The following FHIT variants were observed in gnomAD, a reference collection of about 807,000 sequenced individuals.
FHIT encodes the protein bis(5'-adenosyl)-triphosphatase.
FHIT carries 19 observed loss-of-function variants against 17.9 expected under a neutral mutation model. The ratio of observed to expected loss-of-function variants is 1.06; its 90% CI spans 0.74 to 1.56. The LOEUF is 1.56. Ranked by LOEUF, FHIT falls within the 40% of genes most tolerant of loss-of-function variation. FHIT has a pLI of 0.00. For missense variants in FHIT, 248 were observed against 189.2 expected (o/e 1.31, Z -1.82); for synonymous variants, 81 against 69.7 (o/e 1.16, Z -0.81).
At chr3:60,068,026 A>G (rs1176432095) in intron 5 of FHIT, among the ~76,000 whole-genome samples, 1 of 152,136 alleles carries the variant, frequency 6.6e-6, no homozygotes. Context: ...ATATGAGGCC[A>G]GGAGTTTGAG....
intron 5 of FHIT, among the ~76,000 whole-genome samples, chr3:60,222,414 T>G (rs1262874374): frequency 1.3e-5 from 2 of 152,194 alleles, no homozygotes; most frequent in Non-Finnish European, 2.9e-5. Context: ...CAACTTTCAC[T>G]CAATGCTCTT....
chr3:60,376,149 C>A (rs1237130426), intron 5 of FHIT, among the ~76,000 whole-genome samples: 2 of 152,110 alleles, frequency 1.3e-5, no homozygotes, highest in Non-Finnish European at 2.9e-5. Flanking sequence ...TAATGTCCAT[C>A]TTTCCCACTA....
intron 3 of FHIT, among the ~76,000 whole-genome samples, chr3:60,840,437 G>T (rs1425832495): frequency 6.6e-6 from 1 of 152,176 alleles, no homozygotes; most frequent in African/African-American, 2.4e-5. Flanking sequence ...ACATGTGAAT[G>T]AATCAATTCT....
At chr3:60,910,706 C>A (rs545730542) in intron 3 of FHIT, among the ~76,000 whole-genome samples, 6 of 152,140 alleles carry the variant, frequency 3.9e-5, no homozygotes, top group African/African-American at 1.2e-4. Context: ...GCCACCATGC[C>A]CGGCCCAGGT....
At chr3:60,012,132 C>G (rs556114040) in intron 6 of FHIT, among the ~76,000 whole-genome samples, 1 of 152,178 alleles carries the variant, frequency 6.6e-6, no homozygotes, top group South Asian at 2.1e-4. Flanking sequence ...GAACTCCCGC[C>G]GTAAGGATTA....
chr3:60,365,506 C>T (rs771711695), intron 5 of FHIT, among the ~76,000 whole-genome samples: 1 of 152,096 alleles, frequency 6.6e-6, no homozygotes, highest in Non-Finnish European at 1.5e-5. Context: ...ACCTAAATAG[C>T]CTAATGACTC....
At chr3:59,982,372 G>GA (rs542579155) in intron 7 of FHIT, among the ~76,000 whole-genome samples, 2 of 150,020 alleles carry the variant, frequency 1.3e-5, no homozygotes, top group East Asian at 1.9e-4. Flanking sequence ...AATCACAGAA[G>GA]AAAAAAAAAA....
chr3:60,157,511 G>C (rs1311259212), intron 5 of FHIT, among the ~76,000 whole-genome samples: 1 of 152,112 alleles, frequency 6.6e-6, no homozygotes. Flanking sequence ...TCTTGTATTA[G>C]CATCCCAAGC....
chr3:60,420,710 T>C (rs1392826476), intron 5 of FHIT, among the ~76,000 whole-genome samples: 1 of 152,180 alleles, frequency 6.6e-6, no homozygotes, highest in African/African-American at 2.4e-5. Context: ...TGGTTCACTT[T>C]CAAAAAACTT....
chr3:60,630,464 T>C (rs781939994), intron 4 of FHIT, among the ~76,000 whole-genome samples: 79 of 152,148 alleles, frequency 5.2e-4, no homozygotes, highest in Admixed American at 1.6e-3. Context: ...GCAATCAAAA[T>C]CCTATATTAA....
chr3:60,495,324 A>T (rs996067407), intron 5 of FHIT, among the ~76,000 whole-genome samples: 2 of 152,170 alleles, frequency 1.3e-5, no homozygotes, highest in Non-Finnish European at 2.9e-5. Context: ...ACATTCTCTA[A>T]TTCTTCTTTA....
chr3:60,338,396 C>T (rs1482673021), intron 5 of FHIT, among the ~76,000 whole-genome samples: 1 of 152,142 alleles, frequency 6.6e-6, no homozygotes, highest in Non-Finnish European at 1.5e-5. Context: ...GACAGGGTCT[C>T]ACTGTGGCGC....
intron 5 of FHIT, among the ~76,000 whole-genome samples, chr3:60,178,629 G>A (rs1174250065): frequency 6.6e-6 from 1 of 152,022 alleles, no homozygotes; most frequent in Non-Finnish European, 1.5e-5. Flanking sequence ...GATATGTCAA[G>A]TCAGATTCAC....
intron 4 of FHIT, among the ~76,000 whole-genome samples, chr3:60,654,841 A>G (rs1247031543): frequency 1.3e-5 from 2 of 152,222 alleles, no homozygotes; most frequent in African/African-American, 4.8e-5. Flanking sequence ...GCAAATGTCA[A>G]TTAAATTTGA....
At chr3:60,131,057 A>G (rs1370147780) in intron 5 of FHIT, among the ~76,000 whole-genome samples, 1 of 54,218 alleles carries the variant, frequency 1.8e-5, no homozygotes. Flanking sequence ...ATATATACAT[A>G]CATACACATG....
chr3:59,902,665 A>T (rs1430075035), intron 8 of FHIT, among the ~76,000 whole-genome samples: 1 of 152,222 alleles, frequency 6.6e-6, no homozygotes, highest in Non-Finnish European at 1.5e-5. Context: ...AAACTAGAAG[A>T]CATTATGCCA....
At chr3:60,495,460 A>G (rs1436295841) in intron 5 of FHIT, among the ~76,000 whole-genome samples, 1 of 152,072 alleles carries the variant, frequency 6.6e-6, no homozygotes, top group East Asian at 1.9e-4. Flanking sequence ...AGGTAAACAA[A>G]TATGAGTTTT....
chr3:60,679,947 T>G (rs1362068357), intron 4 of FHIT, among the ~76,000 whole-genome samples: 1 of 152,220 alleles, frequency 6.6e-6, no homozygotes, highest in Non-Finnish European at 1.5e-5. Context: ...TTTTACTCAT[T>G]CTTTTTTTGC....
intron 4 of FHIT, among the ~76,000 whole-genome samples, chr3:60,652,858 C>G (rs1238785147): frequency 2.0e-5 from 3 of 151,240 alleles, no homozygotes; most frequent in Non-Finnish European, 4.4e-5. Flanking sequence ...TGCAGTGAGC[C>G]AAGATCACAG....
Sources: allele counts gnomAD v4.1 joint callset (sites outside exome capture counted in the v4.1 genomes callset), GRCh38; gene constraint gnomAD v4.1.1; transcripts MANE v1.5; gene names NCBI Gene and HGNC (gene_info 2026-07-23, HGNC 2026-07-21).